Variants in PCGF6 observed in about 807,000 individuals in gnomAD.
PCGF6 encodes the protein polycomb group RING finger protein 6.
In PCGF6, 24 loss-of-function variants were observed where a neutral mutation model predicts 45.5. The ratio of observed to expected loss-of-function variants is 0.53; its 90% CI spans 0.38 to 0.74. PCGF6 has a LOEUF of 0.74. Ranked by LOEUF, PCGF6 falls within the 30% of genes least tolerant of loss-of-function variation. PCGF6 has a pLI of 0.00. For missense variants in PCGF6, 356 were observed against 443.2 expected, an observed-to-expected ratio of 0.80 and a Z score of 1.77; for synonymous variants, 152 against 162.1, an observed-to-expected ratio of 0.94 and a Z score of 0.47.
Position 103,345,140 on chromosome 10 carries a change from A to G in PCGF6, c.674-8T>C. On this transcript the variant is annotated splice_region_variant and splice_polypyrimidine_tract_variant and intron_variant, in intron 5 of 9. Coordinates refer to ENST00000369847, the MANE Select transcript of PCGF6 (RefSeq NM_001011663.2). ...GGACTGGCTGTGGAACAGCTATTTA[A>G]TAGTCAAACAAAAATGTTAATTAAG... is the stretch of plus-strand genomic sequence containing the variant. The G allele has an allele frequency of 2.6e-6, 4 of 1,551,408 alleles. No homozygotes were observed. The highest frequency in any genetic ancestry group is 3.5e-6 in the Non-Finnish European group (4 of 1,139,222).
intron 8 of PCGF6, among the ~76,000 whole-genome samples, chr10:103,318,692 T>C (rs2133564905): frequency 6.7e-6 from 1 of 149,156 alleles, no homozygotes; most frequent in South Asian, 2.1e-4. Flanking sequence ...TGCAGTGAGC[T>C]GAGATGGCAC....
At chr10:103,339,487 G>A (rs1481654481) in intron 6 of PCGF6, among the ~76,000 whole-genome samples, 1 of 149,252 alleles carries the variant, frequency 6.7e-6, no homozygotes. Context: ...TACACAGGAG[G>A]ACCTTAATAT....
At chr10:103,311,614 T>C (rs920943214) in intron 9 of PCGF6, among the ~76,000 whole-genome samples, 22 of 150,982 alleles carry the variant, frequency 1.5e-4, no homozygotes, top group African/African-American at 3.6e-4. Context: ...CCTAGCCGCA[T>C]TTCTTGTCTT....
chr10:103,322,138 C>T (rs1463515224), intron 8 of PCGF6, among the ~76,000 whole-genome samples: 1 of 152,092 alleles, frequency 6.6e-6, no homozygotes, highest in Admixed American at 6.6e-5. Flanking sequence ...TCAGGTGATC[C>T]ACCCACCTCG....
At chr10:103,327,928 G>A (rs1017411484) in intron 7 of PCGF6, among the ~76,000 whole-genome samples, 1 of 151,428 alleles carries the variant, frequency 6.6e-6, no homozygotes, top group Admixed American at 6.6e-5. Flanking sequence ...ACCCGCCTCA[G>A]CCTCCCAAAG....
chr10:103,343,004 C>A (rs1402478902), intron 6 of PCGF6, among the ~76,000 whole-genome samples: 1 of 152,118 alleles, frequency 6.6e-6, no homozygotes, highest in Non-Finnish European at 1.5e-5. Flanking sequence ...CCTCGGCTCA[C>A]TGCAAGCTCT....
At chr10:103,335,591 G>C (rs946282866) in intron 6 of PCGF6, among the ~76,000 whole-genome samples, 11 of 151,920 alleles carry the variant, frequency 7.2e-5, no homozygotes, top group Non-Finnish European at 4.4e-5. Context: ...TCGATCTCTT[G>C]ATCTCGTGAT....
At chr10:103,311,143 ACTTTT>A (rs1564723064) in intron 9 of PCGF6, among the ~76,000 whole-genome samples, 1 of 151,906 alleles carries the variant, frequency 6.6e-6, no homozygotes, top group Non-Finnish European at 1.5e-5. Context: ...GCCAAGAATC[ACTTTT>A]CTTTTCTTTT....
intron 7 of PCGF6, 88 bp from the exon 8 acceptor site, chr10:103,326,720 A>G (rs1183093705): frequency 4.7e-6 from 4 of 856,394 alleles, no homozygotes; most frequent in Non-Finnish European, 6.7e-6. Context: ...ATGTGTAAAC[A>G]TTAAAGAAAA....
chr10:103,338,470 G>T (rs531526731), intron 6 of PCGF6, among the ~76,000 whole-genome samples: 191 of 149,242 alleles, frequency 1.3e-3, no homozygotes, highest in African/African-American at 4.5e-3. Context: ...GCATGAACCC[G>T]GGAGGCGGAG....
intron 6 of PCGF6, among the ~76,000 whole-genome samples, chr10:103,340,933 T>A (rs886605631): frequency 3.3e-5 from 5 of 152,078 alleles, no homozygotes; most frequent in Admixed American, 6.6e-5. Context: ...TTTAATTTTT[T>A]AAAAATATAA....
At chr10:103,330,935 G>C (rs2093237975) in intron 7 of PCGF6, among the ~76,000 whole-genome samples, 1 of 151,860 alleles carries the variant, frequency 6.6e-6, no homozygotes, top group Non-Finnish European at 1.5e-5. Context: ...TCTCCAACAA[G>C]AAAAAAAGAA....
At chr10:103,347,180 A>G in intron 5 of PCGF6, 58 bp downstream of exon 5, 1 of 1,362,296 alleles carries the variant, frequency 7.3e-7, no homozygotes, top group South Asian at 1.3e-5. Flanking sequence ...AAGGGCATAT[A>G]TTTTATTGTT....
At chr10:103,327,825 C>G (rs138123250) in intron 7 of PCGF6, among the ~76,000 whole-genome samples, 4,234 of 150,900 alleles carry the variant, frequency 0.028, 79 homozygotes, top group Middle Eastern at 0.034. Flanking sequence ...CAGGCGTGCA[C>G]CACTACGCCC....
In PCGF6 at chr10:103,333,945, C is replaced by A; in HGVS notation, c.790G>T (p.Glu264Ter). ...SLLLEFIGAN[E>*]GTGHFKPLEK... ...AATACCTTAAAATGTCCCGTGCCTTCATTAGCACTGAAAAATGAGAGCAAA... is the reference window on the plus strand; with the variant it reads ...AATACCTTAAAATGTCCCGTGCCTTAATTAGCACTGAAAAATGAGAGCAAA... Residue 264 changes from glutamate (E) to a stop codon, truncating the protein, a stop_gained, in exon 7 of 10, where the codon GAA becomes TAA. Transcript: ENST00000369847. LOFTEE classifies it high-confidence loss of function. 1 of 1,546,744 alleles carries A rather than the reference C, an allele frequency of 6.5e-7. No homozygotes were observed. Among genetic ancestry groups the A allele is most frequent in the Admixed American group, 2.1e-5 (1 of 46,814 alleles).
rs903955750 is a variant in PCGF6, at chr10:103,326,517, A to G, written c.909+17T>C. On this transcript the variant is annotated intron_variant, in intron 8 of 9. Coordinates refer to ENST00000369847, the MANE Select transcript of PCGF6 (RefSeq NM_001011663.2). ...AGCTCACAACTTTACCTATTCTTTT[A>G]CATATATGTACTGTACCTGACAAGC... is the stretch of plus-strand genomic sequence containing the variant. 4.6e-6 allele frequency: 7 copies of G among 1,528,174 alleles called. No homozygotes were observed. The highest frequency in any genetic ancestry group is 6.2e-6 in the Non-Finnish European group (7 of 1,127,622). 94.7% of individuals were successfully genotyped at this position (1,528,174 alleles called of 1,614,324 possible).
In PCGF6 at chr10:103,351,089, G is replaced by A; in HGVS notation, c.-23C>T. The A allele has an allele frequency of 7.4e-7, 1 of 1,349,310 alleles. No homozygotes were observed. Among genetic ancestry groups the A allele is most frequent in the Non-Finnish European group, 9.5e-7 (1 of 1,050,152 alleles). 83.6% of individuals were successfully genotyped at this position (1,349,310 alleles called of 1,614,324 possible). ...CATGGTCGGGAGAGACACCAGGCGA[G>A]GCGAGGCGGCGGGAGAGCGCGGGAG... On this transcript the variant is annotated 5_prime_UTR_variant, in exon 1 of 10. Coordinates refer to ENST00000369847, the MANE Select transcript of PCGF6 (RefSeq NM_001011663.2).
At chr10:103,329,830 G>C (rs2093233416) in intron 7 of PCGF6, among the ~76,000 whole-genome samples, 1 of 150,618 alleles carries the variant, frequency 6.6e-6, no homozygotes, top group African/African-American at 2.5e-5. Flanking sequence ...CTGGGCTGCA[G>C]TGCAGTGGCA....
chr10:103,341,387 G>GGTA (rs1405778736), intron 6 of PCGF6, among the ~76,000 whole-genome samples: 16 of 151,426 alleles, frequency 1.1e-4, no homozygotes, highest in Non-Finnish European at 2.2e-4. Context: ...CTCCCAAGTA[G>GGTA]GTAGGACTAA....
Sources: allele counts gnomAD v4.1 joint callset (sites outside exome capture counted in the v4.1 genomes callset), GRCh38; gene constraint gnomAD v4.1.1; transcripts MANE v1.5; gene names NCBI Gene and HGNC (gene_info 2026-07-23, HGNC 2026-07-21).